FAM83E: variants seen among roughly 807,000 people sequenced by gnomAD.
FAM83E encodes the protein protein FAM83E.
FAM83E carries 29 observed loss-of-function variants against 34.3 expected under a neutral mutation model. That is an observed-to-expected ratio of 0.85 (90% CI 0.63 to 1.15). The LOEUF (loss-of-function observed/expected upper bound fraction) is 1.15, where lower values mean the gene tolerates loss of function less well. Ranked by LOEUF, FAM83E falls within the 50% of genes most tolerant of loss-of-function variation. FAM83E has a pLI of 0.00. For missense variants in FAM83E, 697 were observed against 685.0 expected (o/e 1.02, Z -0.20); for synonymous variants, 312 against 311.6 (o/e 1.00, Z -0.01).
At chr19:48,612,127 C>G (rs1247141579) in intron 3 of FAM83E, among the ~76,000 whole-genome samples, 3 of 152,236 alleles carry the variant, frequency 2.0e-5, no homozygotes, top group Non-Finnish European at 4.4e-5. Context: ...AATAGTCCCT[C>G]TGGCGGTACA....
chr19:48,601,531 G>A (rs910806070), intron 6 of FAM83E, among the ~76,000 whole-genome samples, 162 bp from the exon 7 acceptor site: 4 of 152,076 alleles, frequency 2.6e-5, no homozygotes, highest in Admixed American at 6.6e-5. Context: ...TTGGGAGGCC[G>A]AGGTGGGTGG....
intron 6 of FAM83E, among the ~76,000 whole-genome samples, chr19:48,602,141 C>CAAAAAAAAAAAAAAA (rs35272146): frequency 1.6e-3 from 67 of 41,560 alleles, no homozygotes; most frequent in Non-Finnish European, 2.3e-3. Context: ...GACCCTATCT[C>CAAAAAAAAAAAAAAA]AAAAAAAAAA....
rs71179017 is a variant in FAM83E at position 48,611,165 on chromosome 19, T to TG, written c.466-319_466-318insC. 1.3e-3 allele frequency among the ~76,000 whole-genome samples: 195 copies of TG among 150,762 alleles called. 1 individual carries two copies. The highest frequency in any genetic ancestry group is 3.7e-3 in the African/African-American group (151 of 40,998). On this transcript the variant is annotated intron_variant, in intron 3 of 6. Transcript: ENST00000263266. ...TTTGTGTTTTTGTTGTTGTTGTTGT[T>TG]TTTTGTTGTTTTTTTTTTTTTGAGA...
intron 6 of FAM83E, 100 bp from the exon 7 acceptor site, chr19:48,601,469 CG>C: frequency 2.0e-6 from 3 of 1,490,494 alleles, no homozygotes; most frequent in Non-Finnish European, 2.7e-6. Flanking sequence ...AGAGAAGCAG[CG>C]AAAGTGACAG....
In FAM83E at chr19:48,601,068, T is replaced by C; in HGVS notation, c.*41A>G. On this transcript the variant is annotated 3_prime_UTR_variant, in exon 7 of 7. Coordinates refer to ENST00000263266, the MANE Select transcript of FAM83E (RefSeq NM_017708.4). Reference sequence around the variant, plus strand: ...CTCTGAGCCGACAGTTGTCCGGCACTGCTCCTTGGGTGGGCCAGCAGATTT... The same window carrying C: ...CTCTGAGCCGACAGTTGTCCGGCACCGCTCCTTGGGTGGGCCAGCAGATTT... The C allele has an allele frequency of 1.3e-6, 2 of 1,578,814 alleles. No individual in the cohort carries two copies. The highest frequency in any genetic ancestry group is 2.3e-5 in the South Asian group (2 of 86,370).
rs1198995761 is a variant in FAM83E, at chr19:48,609,875, C to T, written c.758+1G>A. On this transcript the variant is annotated splice_donor_variant, in intron 5 of 6. Transcript: ENST00000263266. LOFTEE classifies it high-confidence loss of function. ...GGTGGGGGGCGGGGCGGGGGCTACA[C>T]CTGTAGGATCCTGAGATGACCCTCT... 6 of 1,612,330 alleles carry T rather than the reference C, an allele frequency of 3.7e-6. No homozygotes were observed. Among genetic ancestry groups the T allele is most frequent in the Non-Finnish European group, 5.1e-6 (6 of 1,179,844 alleles).
chr19:48,605,105 C>T (rs1201459086), intron 5 of FAM83E, among the ~76,000 whole-genome samples: 1 of 151,948 alleles, frequency 6.6e-6, no homozygotes, highest in Non-Finnish European at 1.5e-5. Flanking sequence ...TTAGGAACAC[C>T]TCAATGCCTC....
chr19:48,604,633 G>A (rs1973892346), intron 5 of FAM83E, among the ~76,000 whole-genome samples: 1 of 150,120 alleles, frequency 6.7e-6, no homozygotes, highest in Non-Finnish European at 1.5e-5. Flanking sequence ...GTGCCCGGCT[G>A]AGCCTGGGAA....
chr19:48,607,419 T>C (rs1018263970), intron 5 of FAM83E: 2 of 1,497,430 alleles, frequency 1.3e-6, no homozygotes, highest in African/African-American at 2.8e-5. Flanking sequence ...CCCCATGTCC[T>C]TCCCCCACTA....
chr19:48,608,899 G>A lies in FAM83E; in HGVS notation c.758+977C>T, dbSNP rs548802010. Among the ~76,000 whole-genome samples the A allele has an allele frequency of 1.2e-4, 19 of 152,030 alleles. No homozygotes were observed. In the East Asian group the frequency reaches 3.7e-3, roughly 30 times the overall value. On this transcript the variant is annotated intron_variant, in intron 5 of 6. Transcript: ENST00000263266. The stretch of plus-strand genomic sequence containing the variant: ...AGGTTTTCGGTTCTCTAATTGGCAG[G>A]GAAAGTCGGGGGTATGGGGCGTGTG...
rs73579553 is a variant in FAM83E, at chr19:48,601,209, C to G, written c.1337G>C (p.Arg446Pro). The G allele has an allele frequency of 6.2e-7, 1 of 1,611,376 alleles. No homozygotes were observed. The highest frequency in any genetic ancestry group is 1.3e-5 in the African/African-American group (1 of 74,866). Residue 446 changes from arginine to proline, a missense_variant, in exon 7 of 7, where the codon CGA (arginine) becomes CCA (proline). Transcript: ENST00000263266. The stretch of plus-strand genomic sequence containing the variant: ...TGTAGCATCCCCACCGAACCGCCTT[C>G]GGGCTGGGGACAGATAGCGGAGGCG... ...AHRLRYLSPA[R>P]RRFGGDATFK...
In FAM83E at chr19:48,603,614, G is replaced by A. The variant is rs759666481; in HGVS notation, c.1056C>T (p.Asp352=). Residue 352 remains aspartate (D), a synonymous_variant, in exon 6 of 7, where the codon GAC becomes GAT. Coordinates refer to ENST00000263266, the MANE Select transcript of FAM83E (RefSeq NM_017708.4). ...GGGCGCGCTGCACACTCCTTAGAAT[G>A]TCACTGAGTGCCGGCCCCGGGGTAG... ...SPATPGPALS[D]ILRSVQRART... is the part of the protein sequence containing the mutation. 6.9e-7 allele frequency: 1 copy of A among 1,456,702 alleles called. No homozygotes were observed. Among genetic ancestry groups the A allele is most frequent in the Non-Finnish European group, 9.0e-7 (1 of 1,108,084 alleles). The allele number at this position is 1,456,702 out of a possible 1,614,324, so 90.2% of individuals were successfully genotyped here. A position where few individuals can be genotyped will look rare whatever the true frequency, so the allele number is the denominator to read the frequency against.
chr19:48,600,482 C>A lies in FAM83E; in HGVS notation c.*627G>T, dbSNP rs570298063. Among the ~76,000 whole-genome samples, 1 of 151,740 alleles carries A rather than the reference C, an allele frequency of 6.6e-6. No homozygotes were observed. Among genetic ancestry groups the A allele is most frequent in the African/African-American group, 2.4e-5 (1 of 41,394 alleles). ...TCCTAAGTAGCTGGGATTACAGGCG[C>A]CCGCCACCACACCTGGCTAATTTTT... On this transcript the variant is annotated 3_prime_UTR_variant, in exon 7 of 7. Coordinates refer to ENST00000263266, the MANE Select transcript of FAM83E (RefSeq NM_017708.4).
chr19:48,603,693 G>T lies in FAM83E; in HGVS notation c.977C>A (p.Pro326Gln). 1 of 1,327,914 alleles carries T rather than the reference G, an allele frequency of 7.5e-7. No individual in the cohort carries two copies. Among genetic ancestry groups the T allele is most frequent in the Non-Finnish European group, 9.6e-7 (1 of 1,036,480 alleles). 82.3% of individuals were successfully genotyped at this position (1,327,914 alleles called of 1,614,324 possible). Residue 326 changes from proline to glutamine, a missense_variant, in exon 6 of 7, where the codon CCG (proline) becomes CAG (glutamine). Coordinates refer to ENST00000263266, the MANE Select transcript of FAM83E (RefSeq NM_017708.4). ...GTGGGCCAGCGGGCCGTCAGGCGGC[G>T]GAGGCGACGCGGGGGCCACGGAGCG... ...RRRSVAPASP[P>Q]PPDGPLAHRL...
chr19:48,610,858 G>T lies in FAM83E; in HGVS notation c.466-11C>A. 6.3e-7 allele frequency: 1 copy of T among 1,584,308 alleles called. No individual in the cohort carries two copies. Among genetic ancestry groups the T allele is most frequent in the Non-Finnish European group, 8.6e-7 (1 of 1,165,118 alleles). On this transcript the variant is annotated splice_polypyrimidine_tract_variant and intron_variant, in intron 3 of 6. Coordinates refer to ENST00000263266, the MANE Select transcript of FAM83E (RefSeq NM_017708.4). ...GACCACGGCCACCAGCTGGGCATGG[G>T]GAGAGGGGCGGTGGGCTTGTGAACG...
In FAM83E at chr19:48,614,057, C is replaced by G; in HGVS notation, c.-685G>C. 4 of 985,766 alleles carry G rather than the reference C, an allele frequency of 4.1e-6. No homozygotes were observed. The highest frequency in any genetic ancestry group is 4.8e-6 in the Non-Finnish European group (4 of 830,180). 61.1% of individuals were successfully genotyped at this position (985,766 alleles called of 1,614,324 possible). ...ACAGCCCCCACGAGTTTCTCCTGCT[C>G]ATCAGCTCTCACCCGCAGACCAGCC... On this transcript the variant is annotated 5_prime_UTR_variant, in exon 3 of 7. The change abolishes an upstream ATG in the 5' untranslated region. Transcript: ENST00000263266.
chr19:48,604,928 G>A (rs1973897568), intron 5 of FAM83E, among the ~76,000 whole-genome samples: 1 of 148,552 alleles, frequency 6.7e-6, no homozygotes, highest in Admixed American at 6.7e-5. Flanking sequence ...GCTGAGGCAG[G>A]AGAATTGCTT....
rs913336534 is a variant in FAM83E, at chr19:48,604,322, A to ATTTT, written c.759-415_759-412dup. Among the ~76,000 whole-genome samples, 855 of 97,864 alleles carry ATTTT rather than the reference A, an allele frequency of 8.7e-3. 28 individuals are homozygous for ATTTT. Among genetic ancestry groups the ATTTT allele is most frequent in the African/African-American group, 0.033 (740 of 22,324 alleles). 64.2% of individuals were successfully genotyped at this position (97,864 alleles called of 152,430 possible). A position where few individuals can be genotyped will look rare whatever the true frequency, so the allele number is the denominator to read the frequency against. ...GGCGGGAGGATCCCTTGACCCTGGG[A>ATTTT]TTTTTTTTTTTTTTTTTTTTTTTGT... On this transcript the variant is annotated intron_variant, in intron 5 of 6. Transcript: ENST00000263266.
Position 48,613,983 on chromosome 19 carries a change from GAC to G in FAM83E, c.-613_-612del, listed in dbSNP as rs1449888447. ...TGGCAAACGCCAATGGCTTCCGACT[GAC>G]AGTCACAGTATCTGCCTGTTGGAGC... On this transcript the variant is annotated 5_prime_UTR_variant, in exon 3 of 7. It removes the in-frame stop codon of an upstream open reading frame in the 5' UTR. Coordinates refer to ENST00000263266, the MANE Select transcript of FAM83E (RefSeq NM_017708.4). The G allele has an allele frequency of 4.6e-5, 45 of 985,396 alleles. No individual in the cohort carries two copies. The African/African-American group carries it at 6.5e-4, about 14-fold the overall frequency. 61.0% of individuals were successfully genotyped at this position (985,396 alleles called of 1,614,324 possible). A position where few individuals can be genotyped will look rare whatever the true frequency, so the allele number is the denominator to read the frequency against.
Sources: gnomAD v4.1 joint callset for allele counts (sites outside exome capture counted in the v4.1 genomes callset) on GRCh38, gnomAD v4.1.1 for gene constraint, MANE v1.5 for transcripts, NCBI Gene and HGNC (gene_info 2026-07-23, HGNC 2026-07-21) for gene names.